The following AFF2 variants were observed in gnomAD, a reference collection of about 807,000 sequenced individuals.
AFF2 encodes the protein ALF transcription elongation factor 2, also known as AF4/FMR2 family member 2.
AFF2 carries 14 observed loss-of-function variants against 76.9 expected under a neutral mutation model. That is an observed-to-expected ratio of 0.18 (90% CI 0.12 to 0.28). The LOEUF is 0.28. Ranked by LOEUF, AFF2 falls within the 10% of genes least tolerant of loss-of-function variation. AFF2 has a pLI of 1.00. For missense variants in AFF2, 868 were observed against 1,001.1 expected, an observed-to-expected ratio of 0.87 and a Z score of 1.79; for synonymous variants, 398 against 366.7, an observed-to-expected ratio of 1.09 and a Z score of -0.98.
At chrX:148,845,761 T>C (rs1046420152) in intron 7 of AFF2, among the ~76,000 whole-genome samples, 4 of 111,747 alleles carry the variant, frequency 3.6e-5, no homozygotes, top group African/African-American at 6.5e-5. Context: ...GCAGACAGAC[T>C]GCTAATGCCT....
chrX:148,971,769 T>A (rs1329297096), intron 15 of AFF2, among the ~76,000 whole-genome samples: 10 of 32,312 alleles, frequency 3.1e-4, no homozygotes, highest in African/African-American at 7.3e-4. Flanking sequence ...TTTTTTTTTT[T>A]AATGTTTTTT....
At chrX:148,731,960 T>C (rs2055224898) in intron 3 of AFF2, among the ~76,000 whole-genome samples, 1 of 44,355 alleles carries the variant, frequency 2.3e-5, no homozygotes, top group Middle Eastern at 6.8e-3. Context: ...ATAGGAACAC[T>C]TTTACACTGT....
chrX:148,797,303 G>A (rs1162848329), intron 3 of AFF2, among the ~76,000 whole-genome samples: 1 of 111,624 alleles, frequency 9.0e-6, no homozygotes, highest in Non-Finnish European at 1.9e-5. Context: ...ACTGTGACTT[G>A]CCCAAAGTCA....
intron 20 of AFF2, among the ~76,000 whole-genome samples, chrX:148,989,011 A>T (rs1190418230): frequency 8.9e-6 from 1 of 112,364 alleles, no homozygotes; most frequent in Non-Finnish European, 1.9e-5. Flanking sequence ...CCATCTAGAG[A>T]GCAAGATTAA....
intron 4 of AFF2, among the ~76,000 whole-genome samples, chrX:148,810,537 C>T (rs2070190216): frequency 8.9e-6 from 1 of 112,295 alleles, no homozygotes; most frequent in African/African-American, 3.2e-5. Context: ...TCTGCTCTCT[C>T]TGGCCATTGG....
At chrX:148,843,049 T>C in intron 6 of AFF2, 47 bp downstream of exon 6, 1 of 1,049,009 alleles carries the variant, frequency 9.5e-7, no homozygotes, top group Non-Finnish European at 1.3e-6. Flanking sequence ...CCATGTCCTC[T>C]GCTCCCTCAT....
At chrX:148,716,025 G>A (rs1171160519) in intron 3 of AFF2, among the ~76,000 whole-genome samples, 6 of 111,155 alleles carry the variant, frequency 5.4e-5, no homozygotes, top group East Asian at 2.8e-4. Flanking sequence ...GTGTGTGTGT[G>A]TATTCACAAC....
intron 3 of AFF2, among the ~76,000 whole-genome samples, chrX:148,761,488 A>C (rs1387113464): frequency 1.9e-5 from 2 of 107,235 alleles, no homozygotes; most frequent in African/African-American, 3.4e-5. Context: ...TTTTTCATAA[A>C]AACTTGGCCC....
intron 3 of AFF2, among the ~76,000 whole-genome samples, chrX:148,700,419 AGTGTGT>A (rs368077947): frequency 0.017 from 1,384 of 82,387 alleles, 26 homozygotes; most frequent in African/African-American, 0.054. Context: ...GTACTGTTGA[AGTGTGT>A]GTGTGTGTGT....
chrX:148,918,724 CT>C (rs1557282895), intron 9 of AFF2, among the ~76,000 whole-genome samples: 2 of 111,730 alleles, frequency 1.8e-5, no homozygotes, highest in East Asian at 5.6e-4. Flanking sequence ...TCTGCGAACT[CT>C]GGTGACCTTG....
At chrX:148,544,274 T>C (rs1389290194) in intron 1 of AFF2, among the ~76,000 whole-genome samples, 2 of 112,761 alleles carry the variant, frequency 1.8e-5, no homozygotes, top group Non-Finnish European at 3.7e-5. Flanking sequence ...GAAATAATTT[T>C]GGGATTTGCC....
chrX:148,504,791 C>G (rs2052389928), intron 1 of AFF2, among the ~76,000 whole-genome samples: 1 of 112,459 alleles, frequency 8.9e-6, no homozygotes, highest in African/African-American at 3.2e-5. Flanking sequence ...TGTTTCAGCT[C>G]CAGCCGGGCA....
At chrX:148,697,290 A>G (rs1288675951) in intron 3 of AFF2, among the ~76,000 whole-genome samples, 2 of 112,614 alleles carry the variant, frequency 1.8e-5, no homozygotes, top group African/African-American at 3.2e-5. Context: ...TTTTTAATAT[A>G]CCAAATGTTG....
intron 3 of AFF2, among the ~76,000 whole-genome samples, chrX:148,783,913 G>A (rs1434676488): frequency 9.0e-6 from 1 of 111,621 alleles, no homozygotes; most frequent in African/African-American, 3.3e-5. Flanking sequence ...AACTAAGGGG[G>A]CATCACACAG....
intron 1 of AFF2, among the ~76,000 whole-genome samples, chrX:148,614,482 T>C (rs2053764311): frequency 9.0e-6 from 1 of 111,345 alleles, no homozygotes; most frequent in South Asian, 3.8e-4. Context: ...TACCTCATCC[T>C]AGCCAGCAGG....
chrX:148,655,567 G>A (rs181763503), intron 2 of AFF2, among the ~76,000 whole-genome samples: 7 of 111,889 alleles, frequency 6.3e-5, no homozygotes, highest in Non-Finnish European at 1.1e-4. Context: ...GAGCCACTGC[G>A]CCTGGCCAAA....
intron 1 of AFF2, among the ~76,000 whole-genome samples, chrX:148,524,019 G>A (rs1557234857): frequency 9.1e-6 from 1 of 110,190 alleles, no homozygotes; most frequent in Admixed American, 9.7e-5. Context: ...AAGAAACTCT[G>A]CATCTTGCCA....
chrX:148,615,516 G>A (rs1329388936), intron 1 of AFF2, among the ~76,000 whole-genome samples: 5 of 111,252 alleles, frequency 4.5e-5, no homozygotes, highest in African/African-American at 6.5e-5. Context: ...TTTTCTATTC[G>A]TGCCTTTAGG....
intron 3 of AFF2, among the ~76,000 whole-genome samples, chrX:148,790,586 G>T (rs782104971): frequency 9.2e-6 from 1 of 108,245 alleles, no homozygotes; most frequent in Non-Finnish European, 1.9e-5. Context: ...AGTAACACAG[G>T]AACAGAAAAC....
Sources: allele counts gnomAD v4.1 joint callset (sites outside exome capture counted in the v4.1 genomes callset), GRCh38; gene constraint gnomAD v4.1.1; transcripts MANE v1.5; gene names NCBI Gene and HGNC (gene_info 2026-07-23, HGNC 2026-07-21).